CCDC13: variants seen among roughly 807,000 people sequenced by gnomAD.
CCDC13 encodes coiled-coil domain containing 13.
In CCDC13, 70 loss-of-function variants were observed where a neutral mutation model predicts 87.3. The ratio of observed to expected loss-of-function variants is 0.80; its 90% CI spans 0.66 to 0.98. The LOEUF is 0.98. Among genes scored for constraint, CCDC13 ranks in the 50% least tolerant of loss-of-function variants. CCDC13 has a pLI of 0.00. For missense variants in CCDC13, 842 were observed against 892.0 expected (o/e 0.94, Z 0.71); for synonymous variants, 317 against 360.3 (o/e 0.88, Z 1.36).
intron 1 of CCDC13, among the ~76,000 whole-genome samples, chr3:42,760,848 T>G: frequency 6.6e-6 from 1 of 152,196 alleles, no homozygotes; most frequent in Non-Finnish European, 1.5e-5. Flanking sequence ...TTTGTATTTC[T>G]CTGTTGACTA....
intron 8 of CCDC13, chr3:42,740,955 C>T (rs553234571): frequency 6.6e-6 from 1 of 152,336 alleles, no homozygotes; most frequent in South Asian, 2.1e-4. Context: ...ACCTGTTGCT[C>T]TCCTGCCTAC....
At chr3:42,716,052 G>A (rs1575271936) in intron 13 of CCDC13, among the ~76,000 whole-genome samples, 1 of 152,294 alleles carries the variant, frequency 6.6e-6, no homozygotes, top group Non-Finnish European at 1.5e-5. Flanking sequence ...TCCAGGACAA[G>A]GAGAAAAATC....
intron 8 of CCDC13, 112 bp downstream of exon 8, chr3:42,742,784 G>T: frequency 1.4e-6 from 2 of 1,380,328 alleles, no homozygotes; most frequent in Non-Finnish European, 2.0e-6. Context: ...GGTGTCTCCT[G>T]CCTAGAAGGG....
chr3:42,727,284 A>C (rs1291895580), intron 13 of CCDC13, among the ~76,000 whole-genome samples: 1 of 152,146 alleles, frequency 6.6e-6, no homozygotes, highest in East Asian at 1.9e-4. Context: ...AGGCACTAGA[A>C]CCACTTGAAC....
intron 5 of CCDC13, chr3:42,749,918 G>C (rs1699529693): frequency 2.2e-6 from 1 of 456,716 alleles, no homozygotes; most frequent in East Asian, 6.9e-5. Flanking sequence ...GAGCCTGCAG[G>C]CCTCTGGAGT....
intron 3 of CCDC13, among the ~76,000 whole-genome samples, chr3:42,753,498 T>C (rs1426277525): frequency 6.7e-6 from 1 of 148,292 alleles, no homozygotes; most frequent in Non-Finnish European, 1.5e-5. Context: ...CAGTGGTGGA[T>C]AAAAAAGACT....
At chr3:42,738,854 A>G (rs549724831) in intron 9 of CCDC13, among the ~76,000 whole-genome samples, 1 of 152,310 alleles carries the variant, frequency 6.6e-6, no homozygotes, top group South Asian at 2.1e-4. Context: ...GTCATCTGCA[A>G]ACAGGAACAA....
At chr3:42,747,435 A>G in intron 5 of CCDC13, 62 bp from the exon 6 acceptor site, 2 of 1,124,620 alleles carry the variant, frequency 1.8e-6, no homozygotes, top group Non-Finnish European at 2.7e-6. Context: ...TAGTAATCAT[A>G]GCCCCCATTT....
At chr3:42,704,575 A>C (rs1485551240), downstream of CCDC13, 1 of 152,342 alleles carries the variant, frequency 6.6e-6, no homozygotes, top group African/African-American at 2.4e-5. Flanking sequence ...GAAAGGCTGG[A>C]TTCACACTCA....
At chr3:42,736,984 T>C (rs1204878370) in intron 9 of CCDC13, among the ~76,000 whole-genome samples, 1 of 152,238 alleles carries the variant, frequency 6.6e-6, no homozygotes, top group Non-Finnish European at 1.5e-5. Context: ...TACATAGGTA[T>C]ACATATGCCA....
chr3:42,733,014 C>T, intron 11 of CCDC13, 44 bp from the exon 12 acceptor site: 3 of 1,516,174 alleles, frequency 2.0e-6, no homozygotes, highest in Non-Finnish European at 2.7e-6. Context: ...GAAGGCAGAC[C>T]AGGCCCTACT....
intron 1 of CCDC13, chr3:42,770,834 A>C (rs1193572851): frequency 1.3e-5 from 2 of 152,906 alleles, no homozygotes; most frequent in African/African-American, 4.8e-5. Flanking sequence ...GAAGGTCTGC[A>C]GCTTCACTCC....
intron 13 of CCDC13, among the ~76,000 whole-genome samples, chr3:42,729,720 T>C (rs963756971): frequency 6.6e-6 from 1 of 152,242 alleles, no homozygotes. Flanking sequence ...GCTCTCTGCA[T>C]TGGAGTCTGC....
chr3:42,771,726 G>C (rs1331583934), intron 1 of CCDC13, among the ~76,000 whole-genome samples: 1 of 152,118 alleles, frequency 6.6e-6, no homozygotes, highest in South Asian at 2.1e-4. Flanking sequence ...CCGCACTCCA[G>C]CCTGGGTGAC....
intron 13 of CCDC13, chr3:42,713,961 C>T (rs887666140): frequency 6.6e-6 from 1 of 152,332 alleles, no homozygotes. Flanking sequence ...GGGGAAAATC[C>T]ACTTTCAGGC....
chr3:42,737,220 A>G (rs993282097), intron 9 of CCDC13, among the ~76,000 whole-genome samples: 1 of 152,146 alleles, frequency 6.6e-6, no homozygotes, highest in Admixed American at 6.5e-5. Flanking sequence ...AGCTTCATCC[A>G]TATCCCTGCA....
At chr3:42,770,485 G>A (rs1009217907) in intron 1 of CCDC13, 6 of 152,138 alleles carry the variant, frequency 3.9e-5, no homozygotes, top group East Asian at 1.9e-4. Flanking sequence ...CTGTCAAAAC[G>A]GACCAATCAG....
chr3:42,752,040 C>T lies in CCDC13; in HGVS notation c.514-15G>A. 3 of 1,600,504 alleles carry T rather than the reference C, an allele frequency of 1.9e-6. 1 individual carries two copies. Among genetic ancestry groups the T allele is most frequent in the East Asian group, 2.2e-5 (1 of 44,880 alleles). On this transcript the variant is annotated splice_polypyrimidine_tract_variant and intron_variant, in intron 4 of 15. Transcript: ENST00000310232. Reference sequence around the variant, plus strand: ...GCTGTCTGCAGCTGAAAAAGCAAACCTCGTGCTTAATACTCTGCTCAGCGA... The same window carrying T: ...GCTGTCTGCAGCTGAAAAAGCAAACTTCGTGCTTAATACTCTGCTCAGCGA...
At chr3:42,770,027 A>ACC (rs1453677101) in intron 1 of CCDC13, among the ~76,000 whole-genome samples, 4 of 152,226 alleles carry the variant, frequency 2.6e-5, no homozygotes. Context: ...GGTCCCATCA[A>ACC]AAGCCCAAGG....
Sources: gnomAD v4.1 joint callset for allele counts (sites outside exome capture counted in the v4.1 genomes callset) on GRCh38, gnomAD v4.1.1 for gene constraint, MANE v1.5 for transcripts, NCBI Gene and HGNC (gene_info 2026-07-23, HGNC 2026-07-21) for gene names.